The following LRIG3 variants were observed in gnomAD, a reference collection of about 807,000 sequenced individuals.
LRIG3 encodes leucine-rich repeats and immunoglobulin-like domains protein 3.
Under a neutral mutation model 114.5 loss-of-function variants are expected in LRIG3, and 76 were observed. That is an observed-to-expected ratio of 0.66 (90% CI 0.55 to 0.80). LRIG3 has a LOEUF of 0.80. LRIG3 is among the 30% of genes least tolerant of loss of function. LRIG3 has a pLI of 0.00. For missense variants in LRIG3, 1,239 were observed against 1,382.8 expected (o/e 0.90, Z 1.65); for synonymous variants, 512 against 519.8 (o/e 0.98, Z 0.20).
intron 3 of LRIG3, among the ~76,000 whole-genome samples, chr12:58,900,898 C>T (rs577795205): frequency 6.6e-6 from 1 of 152,306 alleles, no homozygotes; most frequent in East Asian, 1.9e-4. Context: ...GGTGAGTTCA[C>T]ATCCTTTGTC....
intron 10 of LRIG3, among the ~76,000 whole-genome samples, chr12:58,884,789 C>T (rs918530158): frequency 6.6e-6 from 1 of 152,094 alleles, no homozygotes; most frequent in Non-Finnish European, 1.5e-5. Flanking sequence ...TAGGAGAACC[C>T]AATATGTATT....
chr12:58,917,475 T>C (rs898978444), intron 1 of LRIG3, among the ~76,000 whole-genome samples: 1 of 152,208 alleles, frequency 6.6e-6, no homozygotes, highest in Non-Finnish European at 1.5e-5. Context: ...TGTTTTTTTT[T>C]AGACAAAGTC....
chr12:58,919,323 T>G, intron 1 of LRIG3: 1 of 1,496,760 alleles, frequency 6.7e-7, no homozygotes, highest in Non-Finnish European at 9.1e-7. Flanking sequence ...CTGGGCGTTC[T>G]GAGGAGCTAC....
At chr12:58,897,081 C>T (rs1415758120) in intron 3 of LRIG3, among the ~76,000 whole-genome samples, 2 of 152,136 alleles carry the variant, frequency 1.3e-5, no homozygotes, top group African/African-American at 4.8e-5. Context: ...GCAAAGAACT[C>T]CTCTCATATA....
At chr12:58,887,726 G>T in intron 8 of LRIG3, 63 bp downstream of exon 8, 1 of 1,560,410 alleles carries the variant, frequency 6.4e-7, no homozygotes, top group Non-Finnish European at 8.8e-7. Flanking sequence ...TCTGCTAGGA[G>T]AAAAGTGGGC....
rs758620273 is a variant in LRIG3 at position 58,874,484 on chromosome 12, T to C, written c.2785A>G (p.Met929Val). The C allele has an allele frequency of 1.1e-5, 18 of 1,614,068 alleles. No individual in the cohort carries two copies. Among genetic ancestry groups the C allele is most frequent in the African/African-American group, 9.3e-5 (7 of 74,930 alleles). The change falls in exon 17 of 19, where the codon ATG becomes GTG. Residue 929 changes from methionine to valine, a missense_variant. By Grantham distance (21) the Met-to-Val change is conservative. Coordinates refer to ENST00000320743, the MANE Select transcript of LRIG3 (RefSeq NM_153377.5). The stretch of plus-strand genomic sequence containing the variant: ...CCATACACATTTCCCTTCAAATACA[T>C]AGGGCCTGTGGATCCCAAAAACGGA... ...LCPFLGSTGP[M>V]YLKGNVYGSD...
intron 10 of LRIG3, among the ~76,000 whole-genome samples, chr12:58,884,005 T>C (rs754709865): frequency 8.5e-5 from 13 of 152,212 alleles, no homozygotes; most frequent in Non-Finnish European, 1.6e-4. Context: ...AGATATGCAC[T>C]CAGTTAAGTG....
intron 3 of LRIG3, among the ~76,000 whole-genome samples, chr12:58,906,679 C>G (rs550830168): frequency 6.6e-6 from 1 of 152,250 alleles, no homozygotes; most frequent in South Asian, 2.1e-4. Flanking sequence ...TCCTATGACT[C>G]CCACCTCGTG....
chr12:58,887,609 A>T (rs12303283), intron 8 of LRIG3, among the ~76,000 whole-genome samples, 180 bp downstream of exon 8: 11,235 of 152,178 alleles, frequency 0.074, 1,322 homozygotes, highest in African/African-American at 0.25. Flanking sequence ...TTTAATCCCT[A>T]TACGAAACAC....
At chr12:58,888,300 C>T in intron 7 of LRIG3, 29 bp downstream of exon 7, 1 of 1,605,040 alleles carries the variant, frequency 6.2e-7, no homozygotes, top group Non-Finnish European at 8.5e-7. Flanking sequence ...GCTCTCAAAC[C>T]TGAGGAGAAT....
In LRIG3 at chr12:58,874,450, G is replaced by A; in HGVS notation, c.2819C>T (p.Pro940Leu). Residue 940 changes from proline (P) to leucine (L), a missense_variant, in exon 17 of 19, where the codon CCT becomes CTT. Transcript: ENST00000320743. ...YLKGNVYGSD[P>L]FETYHTGCSP... is the part of the protein sequence containing the mutation. ...CCTACCTGTATGATATGTTTCAAAA[G>A]GATCTGAGCCATACACATTTCCCTT... 1.2e-6 allele frequency: 2 copies of A among 1,614,142 alleles called. No individual in the cohort carries two copies. The highest frequency in any genetic ancestry group is 1.7e-6 in the Non-Finnish European group (2 of 1,180,024).
At chr12:58,876,847 C>T (rs547530075) in intron 15 of LRIG3, among the ~76,000 whole-genome samples, 1 of 152,314 alleles carries the variant, frequency 6.6e-6, no homozygotes, top group Admixed American at 6.5e-5. Flanking sequence ...AATTTCAAAA[C>T]AACAAATGTT....
chr12:58,874,634 C>T, intron 16 of LRIG3, 61 bp from the exon 17 acceptor site: 1 of 1,590,642 alleles, frequency 6.3e-7, no homozygotes, highest in Non-Finnish European at 8.6e-7. Flanking sequence ...ACATTCTCCC[C>T]AGTTTTGGCA....
At chr12:58,905,811 C>T (rs1872044076) in intron 3 of LRIG3, among the ~76,000 whole-genome samples, 1 of 152,162 alleles carries the variant, frequency 6.6e-6, no homozygotes, top group Admixed American at 6.5e-5. Flanking sequence ...GAGTCCCCAC[C>T]AGCAAAAAGG....
At chr12:58,873,680 G>C (rs1725383570) in intron 18 of LRIG3, 3 of 237,716 alleles carry the variant, frequency 1.3e-5, no homozygotes, top group Admixed American at 5.1e-5. Context: ...GAAGCCACCA[G>C]ACATACCAAA....
At chr12:58,912,066 G>A (rs1872299107) in intron 3 of LRIG3, among the ~76,000 whole-genome samples, 1 of 152,176 alleles carries the variant, frequency 6.6e-6, no homozygotes, top group African/African-American at 2.4e-5. Flanking sequence ...ATTATTCAGG[G>A]TGATTTCACA....
chr12:58,902,610 A>G (rs1871899524), intron 3 of LRIG3, among the ~76,000 whole-genome samples: 1 of 151,600 alleles, frequency 6.6e-6, no homozygotes, highest in South Asian at 2.1e-4. Context: ...TTTAGGGTAC[A>G]TGTGCACAAT....
intron 1 of LRIG3, among the ~76,000 whole-genome samples, chr12:58,915,487 A>G (rs1004522813): frequency 5.3e-5 from 8 of 152,222 alleles, no homozygotes; most frequent in Admixed American, 4.6e-4. Context: ...ACAATTAGAA[A>G]TCAGAGTTCC....
intron 13 of LRIG3, 131 bp downstream of exon 13, chr12:58,880,450 G>A (rs946196067): frequency 2.7e-5 from 24 of 899,726 alleles, no homozygotes; most frequent in Admixed American, 1.0e-4. Flanking sequence ...TGGAATGAAA[G>A]GTAGGGAAAG....
Sources: allele counts gnomAD v4.1 joint callset (sites outside exome capture counted in the v4.1 genomes callset), GRCh38; gene constraint gnomAD v4.1.1; transcripts MANE v1.5; gene names NCBI Gene and HGNC (gene_info 2026-07-23, HGNC 2026-07-21).